The following CRADD variants were observed in gnomAD, a reference collection of about 807,000 sequenced individuals.
CRADD encodes the protein CARD and death domain containing adaptor protein.
CRADD carries 9 observed loss-of-function variants against 15.5 expected under a neutral mutation model. That is an observed-to-expected ratio of 0.58 (90% CI 0.35 to 1.01). CRADD has a LOEUF of 1.01. Ranked by LOEUF, CRADD falls within the 50% of genes least tolerant of loss-of-function variation. CRADD has a pLI of 0.02. For synonymous variants in CRADD, 118 were observed against 107.6 expected (o/e 1.10, Z -0.60); for missense variants, 227 against 250.3 (o/e 0.91, Z 0.63).
At chr12:93,854,598 G>A (rs990534385), downstream of CRADD, among the ~76,000 whole-genome samples, 11 of 152,072 alleles carry the variant, frequency 7.2e-5, no homozygotes, top group South Asian at 4.1e-4. Context: ...GAGATTTCTG[G>A]GCCCTATTGA....
rs1157061528 is a variant in CRADD, at chr12:93,863,596, T to TTGTGTGTGTGTGTG, written c.299-30419_299-30406dup. Among the ~76,000 whole-genome samples, 255 of 124,836 alleles carry TTGTGTGTGTGTGTG rather than the reference T, an allele frequency of 2.0e-3. 3 individuals are homozygous for TTGTGTGTGTGTGTG. The highest frequency in any genetic ancestry group is 5.1e-3 in the African/African-American group (168 of 32,852). 81.9% of individuals were successfully genotyped at this position (124,836 alleles called of 152,430 possible). A position where few individuals can be genotyped will look rare whatever the true frequency, so the allele number is the denominator to read the frequency against. ...GGCCTTTGAAAATGTGTGGAGGCAT[T>TTGTGTGTGTGTGTG]TGTGTGTGTGTGTGTGTGTGTGTGT... On this transcript the variant is annotated intron_variant, in intron 2 of 2. Coordinates refer to the CRADD transcript ENST00000548483.
intron 2 of CRADD, among the ~76,000 whole-genome samples, chr12:93,823,333 C>G (rs1246709141): frequency 6.6e-6 from 1 of 151,612 alleles, no homozygotes; most frequent in African/African-American, 2.4e-5. Context: ...GAAGAATATG[C>G]TAGCATTGTT....
chr12:93,883,513 T>A (rs1438905021), intron 2 of CRADD, among the ~76,000 whole-genome samples: 1 of 152,180 alleles, frequency 6.6e-6, no homozygotes, highest in South Asian at 2.1e-4. Context: ...ATCTCAGACC[T>A]CAAGGACTGA....
chr12:93,799,064 T>C (rs1289043478), intron 2 of CRADD, among the ~76,000 whole-genome samples: 1 of 152,072 alleles, frequency 6.6e-6, no homozygotes, highest in Non-Finnish European at 1.5e-5. Flanking sequence ...AGAAAGGACA[T>C]GCATTTCTAC....
At chr12:93,698,030 G>A (rs1164392611) in intron 2 of CRADD, among the ~76,000 whole-genome samples, 1 of 152,158 alleles carries the variant, frequency 6.6e-6, no homozygotes, top group Admixed American at 6.5e-5. Context: ...GGAAGGCATT[G>A]CACATGAGAG....
chr12:93,779,163 G>A (rs1957172266), intron 2 of CRADD, among the ~76,000 whole-genome samples: 1 of 152,184 alleles, frequency 6.6e-6, no homozygotes, highest in Non-Finnish European at 1.5e-5. Flanking sequence ...TCTACCCAAT[G>A]TCTGATCAAT....
intron 2 of CRADD, chr12:93,831,160 T>G (rs993621326): frequency 6.6e-6 from 1 of 152,426 alleles, no homozygotes; most frequent in Non-Finnish European, 1.5e-5. Flanking sequence ...ACTTCTGGGC[T>G]GTAGTGCACT....
At chr12:93,785,733 C>T (rs1957271271) in intron 2 of CRADD, among the ~76,000 whole-genome samples, 1 of 152,196 alleles carries the variant, frequency 6.6e-6, no homozygotes, top group African/African-American at 2.4e-5. Flanking sequence ...CCCTACTTCA[C>T]AGGCCATTAA....
At chr12:93,825,536 A>C (rs995086875) in intron 2 of CRADD, among the ~76,000 whole-genome samples, 6 of 152,188 alleles carry the variant, frequency 3.9e-5, no homozygotes, top group African/African-American at 1.4e-4. Context: ...TCTGAACTGG[A>C]AGGGGCTGTG....
exon 3 of CRADD, chr12:93,894,139 C>A: frequency 1.4e-6 from 1 of 702,444 alleles, no homozygotes; most frequent in Non-Finnish European, 2.6e-6. Flanking sequence ...CCTCTCTCTG[C>A]CATCACCCCA....
chr12:93,846,855 C>T (rs12368895), intron 2 of CRADD, among the ~76,000 whole-genome samples: 21,616 of 152,202 alleles, frequency 0.14, 1,581 homozygotes, highest in Middle Eastern at 0.26. Flanking sequence ...AGTCCCAGCA[C>T]TCTGGGAGGC....
chr12:93,890,712 G>A (rs1387815480), intron 2 of CRADD, among the ~76,000 whole-genome samples: 3 of 151,840 alleles, frequency 2.0e-5, no homozygotes, highest in African/African-American at 4.8e-5. Context: ...CCACCTTACT[G>A]AACCAAACCA....
intron 2 of CRADD, among the ~76,000 whole-genome samples, chr12:93,773,386 G>C (rs1331638243): frequency 6.6e-6 from 1 of 152,126 alleles, no homozygotes; most frequent in Non-Finnish European, 1.5e-5. Context: ...GATTATATAA[G>C]GGGGAGTTTC....
At chr12:93,750,519 AT>A (rs1473450835) in intron 2 of CRADD, among the ~76,000 whole-genome samples, 4 of 152,340 alleles carry the variant, frequency 2.6e-5, no homozygotes, top group South Asian at 4.1e-4. Flanking sequence ...ACATAAAAAA[AT>A]AACAAAAAAT....
chr12:93,751,018 C>G (rs1224750821), intron 2 of CRADD, among the ~76,000 whole-genome samples: 1 of 152,170 alleles, frequency 6.6e-6, no homozygotes, highest in Non-Finnish European at 1.5e-5. Flanking sequence ...CTGAACTGAC[C>G]TGGTAACTTG....
intron 2 of CRADD, among the ~76,000 whole-genome samples, chr12:93,762,674 A>G (rs1956980161): frequency 6.6e-6 from 1 of 152,172 alleles, no homozygotes; most frequent in Admixed American, 6.5e-5. Flanking sequence ...TCTCCTTTCT[A>G]TTCCTGCCCC....
rs528022750 is a variant in CRADD at position 93,784,521 on chromosome 12, A to G, written c.299-65449A>G. Among the ~76,000 whole-genome samples, 9 of 152,234 alleles carry G rather than the reference A, an allele frequency of 5.9e-5. No homozygotes were observed. The East Asian group carries it at 1.5e-3, about 26-fold the overall frequency. On this transcript the variant is annotated intron_variant, in intron 2 of 2. Coordinates refer to ENST00000332896, the MANE Select transcript of CRADD (RefSeq NM_003805.5). ...TGTGCAGTCTCCAAGCACCAGCAGA[A>G]TGAAGTGAGCACGTGCTAATCCACA... is the stretch of plus-strand genomic sequence containing the variant.
In CRADD at chr12:93,723,498, C is replaced by T. The variant is rs547118030; in HGVS notation, c.298+44426C>T. Among the ~76,000 whole-genome samples the T allele has an allele frequency of 4.6e-5, 7 of 152,310 alleles. No individual in the cohort carries two copies. In the East Asian group the frequency reaches 7.7e-4, roughly 17 times the overall value. ...AAACTTCGACTCCCTATGATTTCAACCCAACCAATCAGCATTCCCTATTCC... is the reference window on the plus strand; with the variant it reads ...AAACTTCGACTCCCTATGATTTCAATCCAACCAATCAGCATTCCCTATTCC... On this transcript the variant is annotated intron_variant, in intron 2 of 2. Coordinates refer to ENST00000332896, the MANE Select transcript of CRADD (RefSeq NM_003805.5).
At chr12:93,799,206 C>T (rs1394104370) in intron 2 of CRADD, among the ~76,000 whole-genome samples, 1 of 152,162 alleles carries the variant, frequency 6.6e-6, no homozygotes, top group East Asian at 1.9e-4. Flanking sequence ...AAATGATTAA[C>T]TAAAACAACG....
Sources: allele counts gnomAD v4.1 joint callset (sites outside exome capture counted in the v4.1 genomes callset), GRCh38; gene constraint gnomAD v4.1.1; transcripts MANE v1.5; gene names NCBI Gene and HGNC (gene_info 2026-07-23, HGNC 2026-07-21).